RBM19: variants seen among roughly 807,000 people sequenced by gnomAD.
The protein encoded by RBM19 is probable RNA-binding protein 19.
In RBM19, 94 loss-of-function variants were observed where a neutral mutation model predicts 116.8. That is an observed-to-expected ratio of 0.80 (90% CI 0.68 to 0.95). The LOEUF is 0.95. RBM19 is among the 40% of genes least tolerant of loss of function. RBM19 has a pLI of 0.00. For synonymous variants in RBM19, 475 were observed against 494.1 expected, an observed-to-expected ratio of 0.96 and a Z score of 0.51; for missense variants, 1,161 against 1,220.7, an observed-to-expected ratio of 0.95 and a Z score of 0.73.
Position 113,945,839 on chromosome 12 carries a change from C to A in RBM19, c.1615G>T (p.Val539Leu). ...AQKYNATKSQ[V>L]FDHETKGSVA... is the part of the protein sequence containing the mutation. ...CGGCCCTTACTCACGTGGTCAAACA[C>A]TTGACTCTTGGTGGCGTTGTACTTC... is the stretch of plus-strand genomic sequence containing the variant. Residue 539 changes from valine (V) to leucine (L), a missense_variant, in exon 13 of 24, where the codon GTG becomes TTG. Physicochemically the swap from Val to Leu is conservative, Grantham distance 32. Transcript: ENST00000261741. 6.4e-7 allele frequency: 1 copy of A among 1,563,494 alleles called. No individual in the cohort carries two copies. The highest frequency in any genetic ancestry group is 8.8e-7 in the Non-Finnish European group (1 of 1,134,108).
At chr12:113,847,210 C>T (rs756274320) in intron 22 of RBM19, among the ~76,000 whole-genome samples, 17 of 152,138 alleles carry the variant, frequency 1.1e-4, no homozygotes, top group East Asian at 9.6e-4. Context: ...CAAATGAATC[C>T]GAAGAGACAA....
intron 1 of RBM19, among the ~76,000 whole-genome samples, chr12:113,963,399 A>AG (rs1566047760): frequency 6.6e-6 from 1 of 152,168 alleles, no homozygotes; most frequent in Non-Finnish European, 1.5e-5. Flanking sequence ...AGTGGAGTTG[A>AG]GGGGACATTC....
chr12:113,863,674 C>A (rs920725883), intron 21 of RBM19, among the ~76,000 whole-genome samples: 1 of 152,176 alleles, frequency 6.6e-6, no homozygotes, highest in African/African-American at 2.4e-5. Context: ...CTTCTCCCCA[C>A]CTGCACCCAA....
chr12:113,877,471 G>A (rs1212037914), intron 21 of RBM19, among the ~76,000 whole-genome samples: 2 of 152,292 alleles, frequency 1.3e-5, no homozygotes, highest in South Asian at 2.1e-4. Flanking sequence ...TCTTCTCCCC[G>A]GCCATGGTGA....
rs1483382564 is a variant in RBM19 at position 113,957,973 on chromosome 12, T to C, written c.649A>G (p.Lys217Glu). 1.9e-6 allele frequency: 3 copies of C among 1,614,032 alleles called. No homozygotes were observed. In the Admixed American group the frequency reaches 5.0e-5, roughly 27 times the overall value. ...DMDYLKSKMV[K>E]AGSSSSSEEE... is the part of the protein sequence containing the mutation. ...TCCGAGGAAGAGGACGACCCAGCCTTCACCATCTTGGATTTCAGGTAATCC... is the reference window on the plus strand; with the variant it reads ...TCCGAGGAAGAGGACGACCCAGCCTCCACCATCTTGGATTTCAGGTAATCC... Residue 217 changes from lysine to glutamate, a missense_variant, in exon 6 of 24, where the codon AAG (lysine) becomes GAG (glutamate). Transcript: ENST00000261741.
At chr12:113,891,537 G>A (rs1380745250) in intron 21 of RBM19, among the ~76,000 whole-genome samples, 2 of 152,284 alleles carry the variant, frequency 1.3e-5, no homozygotes, top group Middle Eastern at 3.4e-3. Context: ...AGCTGGAATC[G>A]TCCAGGTGGA....
chr12:113,961,980 C>T (rs1267158393), intron 2 of RBM19, among the ~76,000 whole-genome samples: 2 of 152,230 alleles, frequency 1.3e-5, no homozygotes, highest in African/African-American at 4.8e-5. Flanking sequence ...CACCTGAGGG[C>T]TTGTTGGATG....
intron 21 of RBM19, among the ~76,000 whole-genome samples, chr12:113,906,554 G>C (rs1025395446): frequency 1.3e-5 from 2 of 152,144 alleles, no homozygotes; most frequent in African/African-American, 4.8e-5. Flanking sequence ...TGCTGAATTT[G>C]TGACCACCTG....
At chr12:113,829,644 G>A (rs899673600) in intron 23 of RBM19, among the ~76,000 whole-genome samples, 1 of 152,240 alleles carries the variant, frequency 6.6e-6, no homozygotes, top group Non-Finnish European at 1.5e-5. Flanking sequence ...GACAGGACGA[G>A]GTGGGACCTG....
rs141407656 is a variant in RBM19 at position 113,927,064 on chromosome 12, T to G, written c.2234A>C (p.Lys745Thr). Reference sequence around the variant, plus strand: ...TGAGAAACCACTCACTTCCTTCAGCTTCTCTTCTGTTGTGTCAAAATTGAG... The same window carrying G: ...TGAGAAACCACTCACTTCCTTCAGCGTCTCTTCTGTTGTGTCAAAATTGAG... ...KNLNFDTTEE[K>T]LKEVFSKVGT... Residue 745 changes from lysine to threonine, a missense_variant, in exon 17 of 24, where the codon AAG (lysine) becomes ACG (threonine). Lys to Thr is a moderately conservative substitution (Grantham distance 78). Transcript: ENST00000261741. The G allele has an allele frequency of 1.2e-5, 19 of 1,613,090 alleles. No homozygotes were observed. Among genetic ancestry groups the G allele is most frequent in the Non-Finnish European group, 1.5e-5 (18 of 1,179,798 alleles).
intron 22 of RBM19, among the ~76,000 whole-genome samples, chr12:113,856,412 G>A (rs1426463659): frequency 6.6e-6 from 1 of 152,210 alleles, no homozygotes; most frequent in Non-Finnish European, 1.5e-5. Flanking sequence ...TTAGCCAACG[G>A]TGACATGTCA....
At chr12:113,863,545 G>T (rs1205590594) in intron 21 of RBM19, among the ~76,000 whole-genome samples, 6 of 152,164 alleles carry the variant, frequency 3.9e-5, no homozygotes, top group Non-Finnish European at 2.9e-5. Flanking sequence ...CACCAAGTGG[G>T]GGTCAAACCT....
intron 18 of RBM19, 30 bp from the exon 19 acceptor site, chr12:113,920,720 TC>T (rs1566017835): frequency 2.9e-5 from 47 of 1,597,298 alleles, no homozygotes; most frequent in Non-Finnish European, 4.0e-5. Context: ...ATCACACCAG[TC>T]GGTGAAGCGG....
chr12:113,932,308 G>C (rs1869676006), intron 16 of RBM19, among the ~76,000 whole-genome samples: 1 of 152,214 alleles, frequency 6.6e-6, no homozygotes, highest in Non-Finnish European at 1.5e-5. Context: ...ACCTGAGCCT[G>C]GGCCTGCAGC....
At chr12:113,879,671 G>GGAGA (rs1234723600) in intron 21 of RBM19, among the ~76,000 whole-genome samples, 3 of 151,828 alleles carry the variant, frequency 2.0e-5, no homozygotes, top group Non-Finnish European at 4.4e-5. Context: ...GTTCTGCCTT[G>GGAGA]ATCCCTGTAT....
intron 20 of RBM19, among the ~76,000 whole-genome samples, chr12:113,917,565 A>G (rs1566015576): frequency 6.6e-6 from 1 of 152,240 alleles, no homozygotes; most frequent in Admixed American, 6.5e-5. Context: ...ACTCACAGGA[A>G]GCATTAACAA....
chr12:113,851,222 G>C (rs1464145111), intron 22 of RBM19, among the ~76,000 whole-genome samples: 2 of 152,200 alleles, frequency 1.3e-5, no homozygotes, highest in Admixed American at 6.5e-5. Flanking sequence ...ACTTCTAGGA[G>C]AGACATCCAG....
At chr12:113,830,575 C>A (rs11066778) in intron 23 of RBM19, among the ~76,000 whole-genome samples, 5 of 12,088 alleles carry the variant, frequency 4.1e-4, no homozygotes, top group African/African-American at 5.1e-4. Flanking sequence ...GGCTGCGGGG[C>A]GGGGGGGGGG....
At chr12:113,919,440 G>A (rs906810496) in intron 19 of RBM19, among the ~76,000 whole-genome samples, 3 of 152,150 alleles carry the variant, frequency 2.0e-5, no homozygotes, top group South Asian at 4.1e-4. Flanking sequence ...GCTTGGTGGC[G>A]GGCGCCTGTA....
Sources: allele counts gnomAD v4.1 joint callset (sites outside exome capture counted in the v4.1 genomes callset), GRCh38; gene constraint gnomAD v4.1.1; transcripts MANE v1.5; gene names NCBI Gene and HGNC (gene_info 2026-07-23, HGNC 2026-07-21).